The following GAP43 variants were observed in gnomAD, a reference collection of about 807,000 sequenced individuals.
GAP43 encodes growth associated protein 43, also known as neuromodulin.
In GAP43, 6 loss-of-function variants were observed where a neutral mutation model predicts 18.6. The ratio of observed to expected loss-of-function variants is 0.32; its 90% confidence interval spans 0.18 to 0.64. The LOEUF (loss-of-function observed/expected upper bound fraction) is 0.64, where lower values mean the gene tolerates loss of function less well. GAP43 is among the 30% of genes least tolerant of loss of function. The probability of loss-of-function intolerance (pLI) is 0.78; values close to 1 mark genes in which losing one functional copy is unlikely to be tolerated. For missense variants in GAP43, 292 were observed against 295.5 expected, an observed-to-expected ratio of 0.99 and a Z score of 0.09; for synonymous variants, 115 against 111.4, an observed-to-expected ratio of 1.03 and a Z score of -0.20.
chr3:115,658,264 A>C (rs1460780184), intron 1 of GAP43, among the ~76,000 whole-genome samples: 1 of 152,050 alleles, frequency 6.6e-6, no homozygotes. Flanking sequence ...TTTTTTCCTA[A>C]GTAGGGCTGG....
At chr3:115,664,262 A>G (rs985915255) in intron 1 of GAP43, among the ~76,000 whole-genome samples, 2 of 133,138 alleles carry the variant, frequency 1.5e-5, no homozygotes, top group Admixed American at 8.4e-5. Context: ...GCTTTTTTAT[A>G]TGTGTTAGTG....
intron 2 of GAP43, among the ~76,000 whole-genome samples, chr3:115,719,862 TTC>T: frequency 6.6e-6 from 1 of 152,162 alleles, no homozygotes; most frequent in Non-Finnish European, 1.5e-5. Context: ...AGCAAATGAA[TTC>T]TTTTTCCACA....
intron 1 of GAP43, among the ~76,000 whole-genome samples, chr3:115,642,359 A>G (rs1424532092): frequency 6.6e-6 from 1 of 151,992 alleles, no homozygotes; most frequent in African/African-American, 2.4e-5. Context: ...ACATTTATTA[A>G]TAATCTACCA....
chr3:115,646,769 A>G (rs1708462252), intron 1 of GAP43, among the ~76,000 whole-genome samples: 1 of 152,086 alleles, frequency 6.6e-6, no homozygotes, highest in Non-Finnish European at 1.5e-5. Flanking sequence ...CCTCTCTATT[A>G]AGACTCATTT....
At position 115,716,755 on chromosome 3, in the gene GAP43, T is replaced by C. The variant is rs1212370440; in HGVS notation, c.629-4039T>C. Among the ~76,000 whole-genome samples the C allele has an allele frequency of 5.2e-5, 6 of 115,724 alleles. No homozygotes were observed. The East Asian group carries it at 1.2e-3, about 24-fold the overall frequency. 75.9% of individuals were successfully genotyped at this position (115,724 alleles called of 152,430 possible). A position where few individuals can be genotyped will look rare whatever the true frequency, so the allele number is the denominator to read the frequency against. ...ATATATATATATATATATATATATA[T>C]ATATATATATATACAGAGAGAGAGA... is the stretch of plus-strand genomic sequence containing the variant. On this transcript the variant is annotated intron_variant, in intron 2 of 2. Transcript: ENST00000305124.
chr3:115,629,452 C>T (rs1390838303), intron 1 of GAP43, among the ~76,000 whole-genome samples: 1 of 150,768 alleles, frequency 6.6e-6, no homozygotes, highest in African/African-American at 2.4e-5. Flanking sequence ...AGATTTCAGG[C>T]CTTGGTGCCT....
intron 1 of GAP43, chr3:115,658,505 T>TC (rs1708614929): frequency 6.6e-6 from 1 of 152,202 alleles, no homozygotes; most frequent in African/African-American, 2.4e-5. Flanking sequence ...CCGGCTGCCG[T>TC]CAGTCACCGG....
intron 1 of GAP43, among the ~76,000 whole-genome samples, chr3:115,635,716 T>C (rs1356867202): frequency 1.3e-5 from 2 of 149,542 alleles, no homozygotes; most frequent in African/African-American, 2.5e-5. Context: ...GGACTAGGTA[T>C]GAAAAGAAAA....
At chr3:115,649,993 C>T (rs1708502717) in intron 1 of GAP43, among the ~76,000 whole-genome samples, 2 of 152,022 alleles carry the variant, frequency 1.3e-5, no homozygotes, top group Non-Finnish European at 2.9e-5. Flanking sequence ...CAGCACTTTC[C>T]CAAGTGTTCT....
intron 2 of GAP43, among the ~76,000 whole-genome samples, chr3:115,678,016 T>C (rs1347899010): frequency 6.6e-6 from 1 of 152,250 alleles, no homozygotes; most frequent in Non-Finnish European, 1.5e-5. Context: ...CGTATGCTTC[T>C]TTTCATTTTG....
intron 2 of GAP43, among the ~76,000 whole-genome samples, chr3:115,705,366 A>G (rs1709346719): frequency 6.6e-6 from 1 of 152,254 alleles, no homozygotes; most frequent in Non-Finnish European, 1.5e-5. Context: ...GGGATTTGGC[A>G]AACCTAGATC....
At chr3:115,688,005 T>A (rs953317144) in intron 2 of GAP43, among the ~76,000 whole-genome samples, 3 of 122,744 alleles carry the variant, frequency 2.4e-5, no homozygotes, top group Non-Finnish European at 3.4e-5. Flanking sequence ...GAAATTTTTT[T>A]ATTATTTATT....
At chr3:115,701,388 G>A (rs1233990924) in intron 2 of GAP43, among the ~76,000 whole-genome samples, 1 of 151,790 alleles carries the variant, frequency 6.6e-6, no homozygotes, top group Non-Finnish European at 1.5e-5. Flanking sequence ...TATTCCGGGG[G>A]TAGGGTCATT....
chr3:115,683,935 G>A (rs1708999624), intron 2 of GAP43, among the ~76,000 whole-genome samples: 1 of 152,084 alleles, frequency 6.6e-6, no homozygotes, highest in African/African-American at 2.4e-5. Flanking sequence ...CCCGAGAAAA[G>A]GTGGTATGGA....
intron 2 of GAP43, among the ~76,000 whole-genome samples, chr3:115,690,778 C>T (rs7648744): frequency 0.049 from 5,849 of 118,582 alleles, 139 homozygotes; most frequent in South Asian, 0.073. Flanking sequence ...TTTTTTGAGA[C>T]GGAGTCTCCC....
At chr3:115,664,000 C>A in intron 1 of GAP43, 1 of 1,293,370 alleles carries the variant, frequency 7.7e-7, no homozygotes, top group Non-Finnish European at 1.1e-6. Context: ...TGACTTTGAG[C>A]AAATTACTTA....
chr3:115,683,124 TGCGC>T (rs112169067), intron 2 of GAP43, among the ~76,000 whole-genome samples: 6 of 113,872 alleles, frequency 5.3e-5, no homozygotes, highest in South Asian at 6.6e-4. Flanking sequence ...TACATACATG[TGCGC>T]GCGCGTGCGC....
At chr3:115,651,134 A>G (rs547900764) in intron 1 of GAP43, among the ~76,000 whole-genome samples, 19 of 152,062 alleles carry the variant, frequency 1.2e-4, no homozygotes, top group Non-Finnish European at 2.4e-4. Flanking sequence ...GAAAAAAACA[A>G]TAATAATAAT....
At chr3:115,655,126 A>T (rs1708563924) in intron 1 of GAP43, among the ~76,000 whole-genome samples, 2 of 152,276 alleles carry the variant, frequency 1.3e-5, no homozygotes, top group Admixed American at 6.5e-5. Context: ...TGCCCCACAC[A>T]CCTCTGAGAT....
Sources: gnomAD v4.1 joint callset for allele counts (sites outside exome capture counted in the v4.1 genomes callset) on GRCh38, gnomAD v4.1.1 for gene constraint, MANE v1.5 for transcripts, NCBI Gene and HGNC (gene_info 2026-07-23, HGNC 2026-07-21) for gene names.